The following SPIRE1 variants were observed in gnomAD, a reference collection of about 807,000 sequenced individuals.
The protein encoded by SPIRE1 is spire type actin nucleation factor 1, also known as protein spire homolog 1.
SPIRE1 carries 40 observed loss-of-function variants against 94.1 expected under a neutral mutation model. The ratio of observed to expected loss-of-function variants is 0.43; its 90% CI spans 0.33 to 0.55. The LOEUF (loss-of-function observed/expected upper bound fraction) is 0.55, where lower values mean the gene tolerates loss of function less well. Among genes scored for constraint, SPIRE1 ranks in the 20% least tolerant of loss-of-function variants. The pLI is 0.06. For synonymous variants in SPIRE1, 376 were observed against 371.7 expected, an observed-to-expected ratio of 1.01 and a Z score of -0.13; for missense variants, 838 against 975.2, an observed-to-expected ratio of 0.86 and a Z score of 1.87.
In SPIRE1 at chr18:12,604,046, C is replaced by T. The variant is rs113360304; in HGVS notation, c.372+31016G>A. Among the ~76,000 whole-genome samples the T allele has an allele frequency of 1.1e-3, 160 of 152,236 alleles. 1 individual carries two copies. Among genetic ancestry groups the T allele is most frequent in the African/African-American group, 3.7e-3 (154 of 41,526 alleles). On this transcript the variant is annotated intron_variant, in intron 2 of 16. Transcript: ENST00000409402. The stretch of plus-strand genomic sequence containing the variant: ...CCACACTCCTTCCCATGTGCCTTTC[C>T]CATGCTTCTCTTCATCTCGTCACCA...
At chr18:12,479,470 G>A (rs1225670187) in intron 10 of SPIRE1, among the ~76,000 whole-genome samples, 1 of 151,982 alleles carries the variant, frequency 6.6e-6, no homozygotes, top group African/African-American at 2.4e-5. Context: ...TAACATGCCC[G>A]ACAAAAATTT....
chr18:12,569,718 G>A (rs528469221), intron 2 of SPIRE1, among the ~76,000 whole-genome samples: 1 of 151,536 alleles, frequency 6.6e-6, no homozygotes, highest in Admixed American at 6.6e-5. Context: ...GTGGAAAACC[G>A]TTGCTCATGT....
chr18:12,471,064 G>C (rs1248415587), intron 10 of SPIRE1, among the ~76,000 whole-genome samples: 1 of 146,240 alleles, frequency 6.8e-6, no homozygotes, highest in Non-Finnish European at 1.5e-5. Context: ...TTTCCTACTG[G>C]AAGCTTTGAT....
intron 8 of SPIRE1, among the ~76,000 whole-genome samples, chr18:12,486,430 G>C (rs2033044829): frequency 6.6e-6 from 1 of 152,102 alleles, no homozygotes. Context: ...TGAAAATTTG[G>C]CTCTCAGAAT....
chr18:12,537,697 T>C (rs946777724), intron 3 of SPIRE1, among the ~76,000 whole-genome samples: 2 of 152,204 alleles, frequency 1.3e-5, no homozygotes, highest in African/African-American at 4.8e-5. Context: ...CAAAATCAGT[T>C]GTATTTCTAC....
At chr18:12,504,163 T>C (rs775479463) in intron 6 of SPIRE1, among the ~76,000 whole-genome samples, 1 of 147,632 alleles carries the variant, frequency 6.8e-6, no homozygotes, top group African/African-American at 2.5e-5. Context: ...GTTTAGCTTA[T>C]TAAAATTAAC....
At chr18:12,622,298 C>A (rs1441636591) in intron 2 of SPIRE1, among the ~76,000 whole-genome samples, 1 of 151,180 alleles carries the variant, frequency 6.6e-6, no homozygotes, top group African/African-American at 2.4e-5. Flanking sequence ...GTGGGAAATA[C>A]AAAGAATGTA....
At chr18:12,479,518 C>T (rs1176886017) in intron 10 of SPIRE1, among the ~76,000 whole-genome samples, 181 bp downstream of exon 10, 2 of 152,128 alleles carry the variant, frequency 1.3e-5, no homozygotes, top group Admixed American at 1.3e-4. Context: ...TTGGTCTTTA[C>T]TAATAGAAAG....
At chr18:12,483,929 C>T (rs1043364704) in intron 9 of SPIRE1, among the ~76,000 whole-genome samples, 1 of 152,036 alleles carries the variant, frequency 6.6e-6, no homozygotes, top group Admixed American at 6.6e-5. Context: ...TAGAAAATCA[C>T]GAAGTACATG....
intron 1 of SPIRE1, among the ~76,000 whole-genome samples, chr18:12,635,332 T>C (rs1350965906): frequency 6.6e-6 from 1 of 152,088 alleles, no homozygotes; most frequent in Non-Finnish European, 1.5e-5. Flanking sequence ...TTAACTGTAA[T>C]AAGATCTAAA....
chr18:12,517,297 C>T (rs890141196), intron 4 of SPIRE1, among the ~76,000 whole-genome samples: 5 of 152,106 alleles, frequency 3.3e-5, no homozygotes, highest in African/African-American at 1.2e-4. Flanking sequence ...ATTTGTTTTG[C>T]AAAATGATAC....
intron 8 of SPIRE1, among the ~76,000 whole-genome samples, chr18:12,487,655 G>C (rs1598922561): frequency 6.6e-6 from 1 of 152,092 alleles, no homozygotes; most frequent in Non-Finnish European, 1.5e-5. Flanking sequence ...GCCTCCCAAA[G>C]TGCTAGGATT....
At chr18:12,464,296 T>G (rs1286159948) in intron 11 of SPIRE1, among the ~76,000 whole-genome samples, 4 of 92,136 alleles carry the variant, frequency 4.3e-5, no homozygotes, top group Non-Finnish European at 8.6e-5. Flanking sequence ...TGATATAATC[T>G]GTGTAAATAA....
chr18:12,573,836 T>C (rs919171877), intron 2 of SPIRE1, among the ~76,000 whole-genome samples: 1 of 151,910 alleles, frequency 6.6e-6, no homozygotes, highest in Admixed American at 6.6e-5. Context: ...GCCTCCCGGG[T>C]TCACGCCATT....
chr18:12,643,832 A>ATACTTATGAATT (rs1304047367), intron 1 of SPIRE1, among the ~76,000 whole-genome samples: 1 of 152,106 alleles, frequency 6.6e-6, no homozygotes, highest in Non-Finnish European at 1.5e-5. Context: ...ACACATTTTT[A>ATACTTATGAATT]TTATACTTAT....
At chr18:12,482,939 C>CTTTT (rs11373716) in intron 9 of SPIRE1, among the ~76,000 whole-genome samples, 5 of 128,854 alleles carry the variant, frequency 3.9e-5, no homozygotes, top group East Asian at 2.2e-4. Flanking sequence ...CTTAATTGCA[C>CTTTT]TTTTTTTTTT....
chr18:12,466,090 AAAAAAG>A (rs1568187367), intron 10 of SPIRE1, among the ~76,000 whole-genome samples: 1 of 152,018 alleles, frequency 6.6e-6, no homozygotes, highest in African/African-American at 2.4e-5. Context: ...TCTCAGAAAA[AAAAAAG>A]AAAAAGAAAA....
intron 2 of SPIRE1, among the ~76,000 whole-genome samples, chr18:12,572,186 G>C (rs2035973887): frequency 6.6e-6 from 1 of 152,146 alleles, no homozygotes; most frequent in Non-Finnish European, 1.5e-5. Context: ...AGCAGTGGGG[G>C]CTTGGGGGGG....
chr18:12,566,694 GAATA>G (rs1262692387), intron 2 of SPIRE1, among the ~76,000 whole-genome samples: 1 of 151,968 alleles, frequency 6.6e-6, no homozygotes, highest in African/African-American at 2.4e-5. Context: ...CTCAATAAAA[GAATA>G]AATAATTAAT....
Sources: gnomAD v4.1 joint callset for allele counts (sites outside exome capture counted in the v4.1 genomes callset) on GRCh38, gnomAD v4.1.1 for gene constraint, MANE v1.5 for transcripts, NCBI Gene and HGNC (gene_info 2026-07-23, HGNC 2026-07-21) for gene names.